The following DYNC1I1 variants were observed in gnomAD, a reference collection of about 807,000 sequenced individuals.
DYNC1I1 encodes the protein dynein cytoplasmic 1 intermediate chain 1, also known as cytoplasmic dynein 1 intermediate chain 1.
Under a neutral mutation model 86.6 loss-of-function variants are expected in DYNC1I1, and 43 were observed. The ratio of observed to expected loss-of-function variants is 0.50; its 90% confidence interval spans 0.39 to 0.64. DYNC1I1 has a LOEUF of 0.64. Among genes scored for constraint, DYNC1I1 ranks in the 30% least tolerant of loss-of-function variants. DYNC1I1 has a pLI of 0.00. For synonymous variants in DYNC1I1, 262 were observed against 283.7 expected (o/e 0.92, Z 0.77); for missense variants, 604 against 788.8 (o/e 0.77, Z 2.81).
At chr7:95,915,237 T>G (rs1364049111) in intron 6 of DYNC1I1, among the ~76,000 whole-genome samples, 7 of 152,198 alleles carry the variant, frequency 4.6e-5, no homozygotes, top group Non-Finnish European at 1.0e-4. Flanking sequence ...TTGAGCACTT[T>G]TGTTCCAGAA....
chr7:96,097,662 T>G lies in DYNC1I1; in HGVS notation c.*69T>G. The stretch of plus-strand genomic sequence containing the variant: ...AGAGCTCAGCGTCTGCAGTCAAGTC[T>G]CTTGTATTCGGTGTCCATTCAGTAT... On this transcript the variant is annotated 3_prime_UTR_variant, in exon 17 of 17. Coordinates refer to ENST00000447467, the MANE Select transcript of DYNC1I1 (RefSeq NM_001135556.2). 2 of 1,594,588 alleles carry G rather than the reference T, an allele frequency of 1.3e-6. No homozygotes were observed.
At chr7:95,797,574 A>G (rs1370810656) in intron 1 of DYNC1I1, among the ~76,000 whole-genome samples, 1 of 152,252 alleles carries the variant, frequency 6.6e-6, no homozygotes, top group African/African-American at 2.4e-5. Flanking sequence ...GACATTATAA[A>G]ATCATACATG....
chr7:95,940,690 A>T (rs1019469962), intron 6 of DYNC1I1, among the ~76,000 whole-genome samples: 1 of 152,148 alleles, frequency 6.6e-6, no homozygotes, highest in Non-Finnish European at 1.5e-5. Flanking sequence ...ATTCTAGTTA[A>T]TACATTCGTC....
chr7:96,014,787 T>G (rs925859465), intron 10 of DYNC1I1, among the ~76,000 whole-genome samples: 1 of 152,198 alleles, frequency 6.6e-6, no homozygotes, highest in African/African-American at 2.4e-5. Context: ...TTCATTATAA[T>G]TTATCACACT....
chr7:96,060,819 A>G (rs1218003425), intron 14 of DYNC1I1, among the ~76,000 whole-genome samples: 1 of 152,212 alleles, frequency 6.6e-6, no homozygotes, highest in African/African-American at 2.4e-5. Flanking sequence ...TAAAAAAAAA[A>G]ACCCTTGCTC....
chr7:96,080,212 G>T, intron 15 of DYNC1I1, 151 bp from the exon 16 acceptor site: 1 of 946,662 alleles, frequency 1.1e-6, no homozygotes, highest in South Asian at 2.4e-5. Context: ...TAAGAACAAT[G>T]AGCCCTTTTT....
intron 10 of DYNC1I1, among the ~76,000 whole-genome samples, chr7:96,024,706 T>C (rs1044981560): frequency 6.6e-6 from 1 of 152,162 alleles, no homozygotes; most frequent in Non-Finnish European, 1.5e-5. Context: ...TTAGATTTTA[T>C]CTCCAGAAAA....
chr7:95,827,309 G>A (rs1028125225), intron 4 of DYNC1I1, among the ~76,000 whole-genome samples: 5 of 152,158 alleles, frequency 3.3e-5, no homozygotes, highest in Non-Finnish European at 7.3e-5. Flanking sequence ...AAAGAGCCTG[G>A]CTGAGAAAAG....
intron 15 of DYNC1I1, among the ~76,000 whole-genome samples, chr7:96,077,851 T>C (rs936031158): frequency 6.6e-6 from 1 of 152,186 alleles, no homozygotes; most frequent in African/African-American, 2.4e-5. Context: ...TTGATAAATA[T>C]AATTTTTTCC....
intron 9 of DYNC1I1, among the ~76,000 whole-genome samples, chr7:95,988,598 A>G (rs960615234): frequency 2.0e-5 from 3 of 152,226 alleles, no homozygotes; most frequent in African/African-American, 7.2e-5. Flanking sequence ...GAACCTAAGC[A>G]TCTGATGCCT....
chr7:95,932,591 A>G (rs748894199), intron 6 of DYNC1I1, among the ~76,000 whole-genome samples: 14 of 152,218 alleles, frequency 9.2e-5, no homozygotes, highest in Non-Finnish European at 1.6e-4. Context: ...CACTGCATAT[A>G]TTAGAAACAT....
Position 95,772,567 on chromosome 7 carries a change from C to G in DYNC1I1, c.-216C>G, listed in dbSNP as rs1436728045. 4.6e-5 allele frequency: 7 copies of G among 152,184 alleles called. No individual in the cohort carries two copies. Among genetic ancestry groups the G allele is most frequent in the Non-Finnish European group, 8.8e-5 (6 of 68,100 alleles). The allele number at this position is 152,184 out of a possible 1,614,324, so 9.4% of individuals were successfully genotyped here. ...GGCGAGCCCCGCAGACTGAGTGCTC[C>G]GGGGAGCTGTCAGTGTCAGGCTCTG... On this transcript the variant is annotated 5_prime_UTR_variant, in exon 1 of 17. Coordinates refer to ENST00000447467, the MANE Select transcript of DYNC1I1 (RefSeq NM_001135556.2).
chr7:96,100,605 C>T (rs1261521117), downstream of DYNC1I1, among the ~76,000 whole-genome samples: 1 of 150,104 alleles, frequency 6.7e-6, no homozygotes, highest in Non-Finnish European at 1.5e-5. Context: ...TCAAGGGAGC[C>T]AGAATGTTGA....
chr7:96,103,103 A>G (rs1391301118), downstream of DYNC1I1, among the ~76,000 whole-genome samples: 5 of 152,000 alleles, frequency 3.3e-5, no homozygotes, highest in Non-Finnish European at 7.4e-5. Flanking sequence ...TTACCAGCAC[A>G]CCTCCTCCAT....
At chr7:95,836,344 G>T (rs1487083211) in intron 5 of DYNC1I1, among the ~76,000 whole-genome samples, 1 of 152,064 alleles carries the variant, frequency 6.6e-6, no homozygotes, top group Non-Finnish European at 1.5e-5. Context: ...TCCGCTGTTA[G>T]TCTGATGGGC....
chr7:96,070,833 A>G (rs1416450444), intron 14 of DYNC1I1, among the ~76,000 whole-genome samples: 3 of 152,238 alleles, frequency 2.0e-5, no homozygotes, highest in Admixed American at 2.0e-4. Flanking sequence ...AAGAACCATT[A>G]TATTCTCTAG....
chr7:96,003,365 C>T (rs909563507), intron 10 of DYNC1I1, among the ~76,000 whole-genome samples: 9 of 152,148 alleles, frequency 5.9e-5, no homozygotes, highest in African/African-American at 7.2e-5. Flanking sequence ...GGCCATTTGC[C>T]GTGCTTAACA....
At chr7:96,059,129 G>A (rs1789682130) in intron 14 of DYNC1I1, among the ~76,000 whole-genome samples, 1 of 152,046 alleles carries the variant, frequency 6.6e-6, no homozygotes, top group Non-Finnish European at 1.5e-5. Context: ...TCTGTTTAAA[G>A]ACACTTGATT....
At chr7:95,851,766 G>A (rs60234546) in intron 5 of DYNC1I1, among the ~76,000 whole-genome samples, 12,708 of 152,242 alleles carry the variant, frequency 0.083, 629 homozygotes, top group South Asian at 0.14. Flanking sequence ...CTGGGTTCAA[G>A]TGATTCTCCT....
Sources: gnomAD v4.1 joint callset for allele counts (sites outside exome capture counted in the v4.1 genomes callset) on GRCh38, gnomAD v4.1.1 for gene constraint, MANE v1.5 for transcripts, NCBI Gene and HGNC (gene_info 2026-07-23, HGNC 2026-07-21) for gene names.